The following ERBB4 variants were observed in gnomAD, a reference collection of about 807,000 sequenced individuals.
The protein encoded by ERBB4 is receptor tyrosine-protein kinase erbB-4.
ERBB4 carries 42 observed loss-of-function variants against 158.0 expected under a neutral mutation model. The observed-to-expected ratio is 0.27, with a 90% CI of 0.21 to 0.34. ERBB4 has a LOEUF of 0.34. ERBB4 is among the 10% of genes least tolerant of loss of function. The probability of loss-of-function intolerance (pLI) is 1.00; values close to 1 mark genes in which losing one functional copy is unlikely to be tolerated. For missense variants in ERBB4, 1,333 were observed against 1,624.1 expected (o/e 0.82, Z 3.08); for synonymous variants, 583 against 558.7 (o/e 1.04, Z -0.61).
At chr2:211,620,729 G>C (rs2069568800) in intron 18 of ERBB4, among the ~76,000 whole-genome samples, 1 of 152,040 alleles carries the variant, frequency 6.6e-6, no homozygotes, top group African/African-American at 2.4e-5. Context: ...TGGAAAACAG[G>C]CTTATTATTC....
Position 211,861,126 on chromosome 2 carries a change from A to ATATATATATATTT in ERBB4, c.422-72968_422-72967insAAATATATATATA, listed in dbSNP as rs1371421135. Among the ~76,000 whole-genome samples the ATATATATATATTT allele has an allele frequency of 6.2e-4, 13 of 20,884 alleles. 2 individuals are homozygous for ATATATATATATTT. Among genetic ancestry groups the ATATATATATATTT allele is most frequent in the East Asian group, 2.0e-3 (2 of 990 alleles). 13.7% of individuals were successfully genotyped at this position (20,884 alleles called of 152,430 possible). On this transcript the variant is annotated intron_variant, in intron 3 of 27. Transcript: ENST00000342788. Reference sequence around the variant, plus strand: ...TTATATATATTTATATATATATTTTATATATATATATATATATATATATAT... The same window carrying ATATATATATATTT: ...TTATATATATTTATATATATATTTTATATATATATATTTTATATATATATATATATATATATAT...
intron 2 of ERBB4, among the ~76,000 whole-genome samples, chr2:212,077,672 A>G (rs1202391161): frequency 6.6e-6 from 1 of 151,970 alleles, no homozygotes; most frequent in Non-Finnish European, 1.5e-5. Flanking sequence ...CAAGCAGGGG[A>G]CTTAAGAGAA....
chr2:211,512,447 C>A (rs1265178586), intron 20 of ERBB4, among the ~76,000 whole-genome samples: 8 of 147,252 alleles, frequency 5.4e-5, no homozygotes, highest in African/African-American at 7.5e-5. Flanking sequence ...ACCAAAATCT[C>A]AAAAAAAAAA....
intron 20 of ERBB4, among the ~76,000 whole-genome samples, chr2:211,518,623 T>C (rs2066103758): frequency 6.6e-6 from 1 of 151,982 alleles, no homozygotes; most frequent in East Asian, 1.9e-4. Context: ...CACTGCCCTC[T>C]AGCCTGGGTG....
At chr2:211,854,005 C>T (rs934782804) in intron 3 of ERBB4, among the ~76,000 whole-genome samples, 9 of 152,014 alleles carry the variant, frequency 5.9e-5, no homozygotes, top group Admixed American at 2.0e-4. Context: ...CCATTTGGAC[C>T]ATTTGAACAT....
At chr2:211,905,652 A>ATATATATG (rs1173550367) in intron 3 of ERBB4, among the ~76,000 whole-genome samples, 1 of 70,276 alleles carries the variant, frequency 1.4e-5, no homozygotes, top group Non-Finnish European at 2.7e-5. Context: ...AGGATCATAT[A>ATATATATG]TATATATATA....
chr2:212,066,291 A>G (rs2077945747), intron 2 of ERBB4, among the ~76,000 whole-genome samples: 1 of 152,010 alleles, frequency 6.6e-6, no homozygotes, highest in Non-Finnish European at 1.5e-5. Context: ...TAGCCACTTA[A>G]CAAACCATAA....
intron 2 of ERBB4, among the ~76,000 whole-genome samples, chr2:211,995,294 G>GA (rs1437786792): frequency 6.6e-6 from 1 of 152,102 alleles, no homozygotes; most frequent in African/African-American, 2.4e-5. Context: ...TGGCTAATTT[G>GA]AAAAATACAT....
chr2:211,395,394 A>C (rs1020467164), intron 25 of ERBB4, among the ~76,000 whole-genome samples: 1 of 152,136 alleles, frequency 6.6e-6, no homozygotes, highest in African/African-American at 2.4e-5. Flanking sequence ...AGATTCCCTG[A>C]GTTCCCATCC....
intron 1 of ERBB4, among the ~76,000 whole-genome samples, chr2:212,344,475 TA>T (rs2088880804): frequency 9.6e-6 from 1 of 104,006 alleles, no homozygotes; most frequent in African/African-American, 4.1e-5. Context: ...TGTGTGTATA[TA>T]TGTGTGTGTG....
At chr2:211,637,344 A>G (rs776800584) in intron 16 of ERBB4, among the ~76,000 whole-genome samples, 24 of 152,002 alleles carry the variant, frequency 1.6e-4, no homozygotes, top group Non-Finnish European at 2.5e-4. Context: ...CTTTGAAAAC[A>G]ATAACGTTTT....
intron 20 of ERBB4, among the ~76,000 whole-genome samples, chr2:211,522,527 T>G (rs886799847): frequency 6.6e-6 from 1 of 152,144 alleles, no homozygotes; most frequent in Non-Finnish European, 1.5e-5. Flanking sequence ...ATTTAGAGTA[T>G]TATATAAACT....
chr2:211,513,199 G>A (rs1166519167), intron 20 of ERBB4, among the ~76,000 whole-genome samples: 1 of 151,824 alleles, frequency 6.6e-6, no homozygotes, highest in Admixed American at 6.6e-5. Flanking sequence ...AAGGCGTGAC[G>A]ACAAGTTTTA....
rs996756573 is a variant in ERBB4 at position 211,383,348 on chromosome 2, C to T, written c.*267G>A. On this transcript the variant is annotated 3_prime_UTR_variant, in exon 28 of 28. Coordinates refer to ENST00000342788, the MANE Select transcript of ERBB4 (RefSeq NM_005235.3). ...AGTAGGCAGCATTGCCTTACATTTT[C>T]TGGTCCTTCTCTAGCTGTTTCATTC... The T allele has an allele frequency of 4.7e-6, 2 of 421,366 alleles. No individual in the cohort carries two copies. Among genetic ancestry groups the T allele is most frequent in the African/African-American group, 4.0e-5 (2 of 50,204 alleles). The allele number at this position is 421,366 out of a possible 1,614,324, so 26.1% of individuals were successfully genotyped here. A position where few individuals can be genotyped will look rare whatever the true frequency, so the allele number is the denominator to read the frequency against.
chr2:211,747,414 G>T (rs1327318305), intron 5 of ERBB4, among the ~76,000 whole-genome samples: 7 of 151,878 alleles, frequency 4.6e-5, no homozygotes, highest in Non-Finnish European at 7.4e-5. Context: ...AATCACTTCT[G>T]GTTGATAAAC....
intron 20 of ERBB4, among the ~76,000 whole-genome samples, chr2:211,551,825 G>A (rs1427248349): frequency 6.6e-6 from 1 of 152,090 alleles, no homozygotes; most frequent in Admixed American, 6.6e-5. Context: ...GAAGGAAATG[G>A]CTGGATTGAA....
At chr2:212,370,629 T>A (rs1037264822) in intron 1 of ERBB4, among the ~76,000 whole-genome samples, 5 of 152,178 alleles carry the variant, frequency 3.3e-5, no homozygotes, top group African/African-American at 1.2e-4. Context: ...CATAGTATTA[T>A]TTTCATTTTA....
chr2:211,942,171 C>T (rs1407988378), intron 3 of ERBB4, among the ~76,000 whole-genome samples: 2 of 152,108 alleles, frequency 1.3e-5, no homozygotes, highest in South Asian at 2.1e-4. Flanking sequence ...GCCAAAGAGG[C>T]TTGAGAGACT....
At chr2:212,259,856 G>A (rs568401701) in intron 1 of ERBB4, among the ~76,000 whole-genome samples, 38 of 152,190 alleles carry the variant, frequency 2.5e-4, no homozygotes, top group African/African-American at 9.1e-4. Context: ...GATCACCTGA[G>A]GTCAGGAGTT....
Sources: allele counts gnomAD v4.1 joint callset (sites outside exome capture counted in the v4.1 genomes callset), GRCh38; gene constraint gnomAD v4.1.1; transcripts MANE v1.5; gene names NCBI Gene and HGNC (gene_info 2026-07-23, HGNC 2026-07-21).